RYR2: variants seen among roughly 807,000 people sequenced by gnomAD.
RYR2 encodes ryanodine receptor 2.
Under a neutral mutation model 601.1 loss-of-function variants are expected in RYR2, and 227 were observed. The ratio of observed to expected loss-of-function variants is 0.38; its 90% CI spans 0.34 to 0.42. The LOEUF is 0.42. Among genes scored for constraint, RYR2 ranks in the 10% least tolerant of loss-of-function variants. The probability of loss-of-function intolerance (pLI) is 1.00; values close to 1 mark genes in which losing one functional copy is unlikely to be tolerated. For missense variants in RYR2, 4,646 were observed against 6,156.5 expected (o/e 0.75, Z 8.21); for synonymous variants, 2,223 against 2,175.1 (o/e 1.02, Z -0.61).
chr1:237,481,481 C>T (rs1172444844), intron 17 of RYR2, among the ~76,000 whole-genome samples: 2 of 152,152 alleles, frequency 1.3e-5, no homozygotes, highest in African/African-American at 4.8e-5. Context: ...TATATTGACT[C>T]ATCATTCAAC....
At chr1:237,173,851 T>TAG (rs1677699737) in intron 1 of RYR2, among the ~76,000 whole-genome samples, 1 of 120,148 alleles carries the variant, frequency 8.3e-6, no homozygotes, top group Non-Finnish European at 2.1e-5. Flanking sequence ...GGTCAGGAGA[T>TAG]CGAGACCATC....
At chr1:237,129,185 T>C (rs1671873911) in intron 1 of RYR2, among the ~76,000 whole-genome samples, 1 of 152,218 alleles carries the variant, frequency 6.6e-6, no homozygotes, top group African/African-American at 2.4e-5. Flanking sequence ...GCATCCCAGC[T>C]GGTATTCCTG....
Position 237,500,770 on chromosome 1 carries a change from A to G in RYR2, c.2263A>G (p.Ile755Val), listed in dbSNP as rs1553474585. The G allele has an allele frequency of 2.5e-6, 4 of 1,613,982 alleles. No individual in the cohort carries two copies. The highest frequency in any genetic ancestry group is 2.5e-6 in the Non-Finnish European group (3 of 1,179,874). ...ACATCTGTTAAGAACTGATGATGTC[A>G]TCAGTTGCTGTTTAGATCTGAGTGC... is the stretch of plus-strand genomic sequence containing the variant. ...NQHLLRTDDV[I>V]SCCLDLSAPS... Residue 755 changes from isoleucine (I) to valine (V), a missense_variant, in exon 21 of 105, where the codon ATC becomes GTC. Ile to Val is a conservative substitution (Grantham distance 29). This residue lies in a region of RYR2 where 1,807 missense variants were observed against 2,088.1 expected (regional missense o/e 0.87). Transcript: ENST00000366574.
intron 62 of RYR2, among the ~76,000 whole-genome samples, chr1:237,684,222 C>A (rs1686158549): frequency 6.6e-6 from 1 of 152,062 alleles, no homozygotes; most frequent in African/African-American, 2.4e-5. Context: ...AAGCATGAAC[C>A]ACCGTGCCCG....
At chr1:237,486,072 T>C (rs1662655956) in intron 17 of RYR2, among the ~76,000 whole-genome samples, 1 of 152,100 alleles carries the variant, frequency 6.6e-6, no homozygotes, top group Non-Finnish European at 1.5e-5. Flanking sequence ...AACAATTAGA[T>C]TTAGGAAAAT....
chr1:237,782,691 C>T (rs1695223623), intron 89 of RYR2, among the ~76,000 whole-genome samples: 2 of 152,204 alleles, frequency 1.3e-5, no homozygotes, highest in African/African-American at 4.8e-5. Flanking sequence ...GTAGCAGCAA[C>T]CACAGCAGTG....
chr1:237,309,614 C>T (rs1694299739), intron 2 of RYR2, among the ~76,000 whole-genome samples: 1 of 152,232 alleles, frequency 6.6e-6, no homozygotes, highest in African/African-American at 2.4e-5. Context: ...GCCACCAGTC[C>T]CGCACTGTGT....
intron 17 of RYR2, among the ~76,000 whole-genome samples, chr1:237,475,355 T>C (rs922489): frequency 0.5 from 75,634 of 151,806 alleles, 19,938 homozygotes; most frequent in East Asian, 0.7. Context: ...TTTTGTGGGG[T>C]TTTTTAATCT....
intron 2 of RYR2, among the ~76,000 whole-genome samples, chr1:237,303,717 A>G (rs1693600277): frequency 1.3e-5 from 2 of 152,216 alleles, no homozygotes; most frequent in Non-Finnish European, 2.9e-5. Context: ...CCTGGCAATC[A>G]TATAAATTGT....
At chr1:237,706,878 C>T in intron 67 of RYR2, 71 bp from the exon 68 acceptor site, 2 of 1,298,926 alleles carry the variant, frequency 1.5e-6, no homozygotes, top group Non-Finnish European at 1.1e-6. Flanking sequence ...GAAATAGTTG[C>T]CTGTGGAAAT....
chr1:237,294,774 C>T (rs541242127), intron 2 of RYR2, among the ~76,000 whole-genome samples: 2 of 152,166 alleles, frequency 1.3e-5, no homozygotes, highest in Non-Finnish European at 2.9e-5. Flanking sequence ...AACCCCCTGG[C>T]CCACAGGTAT....
intron 6 of RYR2, among the ~76,000 whole-genome samples, chr1:237,369,876 G>T (rs1558698927): frequency 6.6e-6 from 1 of 152,128 alleles, no homozygotes; most frequent in Non-Finnish European, 1.5e-5. Context: ...GGAGAGAGGT[G>T]TAAGAGTCAA....
intron 2 of RYR2, among the ~76,000 whole-genome samples, chr1:237,276,613 T>C (rs1261698104): frequency 6.6e-6 from 1 of 151,912 alleles, no homozygotes; most frequent in East Asian, 1.9e-4. Flanking sequence ...ATAAAGGGAG[T>C]ACAAATATTT....
At chr1:237,314,805 T>G (rs1694946861) in intron 2 of RYR2, among the ~76,000 whole-genome samples, 1 of 152,170 alleles carries the variant, frequency 6.6e-6, no homozygotes, top group African/African-American at 2.4e-5. Flanking sequence ...TGAGATTGGT[T>G]TAACAAAAAT....
intron 1 of RYR2, among the ~76,000 whole-genome samples, chr1:237,176,578 T>TC (rs1397122375): frequency 1.3e-5 from 2 of 151,794 alleles, no homozygotes; most frequent in Non-Finnish European, 2.9e-5. Flanking sequence ...ATTTATTTAT[T>TC]TTTTTAAAAA....
At chr1:237,732,992 A>G (rs1241792609) in intron 78 of RYR2, among the ~76,000 whole-genome samples, 1 of 152,130 alleles carries the variant, frequency 6.6e-6, no homozygotes, top group African/African-American at 2.4e-5. Flanking sequence ...CTCTTAGCTA[A>G]TGTGATCTAT....
chr1:237,268,955 A>ACAAAAC (rs1689384442), intron 1 of RYR2, among the ~76,000 whole-genome samples: 2 of 148,960 alleles, frequency 1.3e-5, no homozygotes, highest in Non-Finnish European at 3.0e-5. Flanking sequence ...AAAAAAAAAA[A>ACAAAAC]AAAAAAGGAA....
At chr1:237,691,476 A>G (rs1441880848) in intron 63 of RYR2, among the ~76,000 whole-genome samples, 2 of 152,162 alleles carry the variant, frequency 1.3e-5, no homozygotes, top group Admixed American at 6.6e-5. Context: ...CCTGTGGTTG[A>G]AATATTTTTC....
chr1:237,596,597 A>G (rs535702866), intron 34 of RYR2, among the ~76,000 whole-genome samples: 44 of 151,972 alleles, frequency 2.9e-4, no homozygotes, highest in African/African-American at 1.1e-3. Flanking sequence ...AAAACGTTTA[A>G]CAAAATAATG....
Sources: allele counts gnomAD v4.1 joint callset (sites outside exome capture counted in the v4.1 genomes callset), GRCh38; gene constraint gnomAD v4.1.1; regional missense constraint gnomAD v4.1.1; transcripts MANE v1.5; gene names NCBI Gene and HGNC (gene_info 2026-07-23, HGNC 2026-07-21).